The following AGMO variants were observed in gnomAD, a reference collection of about 807,000 sequenced individuals.
The protein encoded by AGMO is alkylglycerol monooxygenase, also known as glyceryl-ether monooxygenase.
AGMO carries 75 observed loss-of-function variants against 60.2 expected under a neutral mutation model. That is an observed-to-expected ratio of 1.25 (90% CI 1.03 to 1.51). The LOEUF (loss-of-function observed/expected upper bound fraction) is 1.51, where lower values mean the gene tolerates loss of function less well. Among genes scored for constraint, AGMO ranks in the 40% most tolerant of loss-of-function variants. The pLI is 0.00. For missense variants in AGMO, 763 were observed against 525.5 expected (o/e 1.45, Z -4.42); for synonymous variants, 261 against 177.1 (o/e 1.47, Z -3.76).
the AGMO span, among the ~76,000 whole-genome samples, chr7:15,172,300 A>G: frequency 6.6e-6 from 1 of 152,132 alleles, no homozygotes; most frequent in African/African-American, 2.4e-5. Context: ...AGTGAATCTC[A>G]ATAAGTACAT....
intron 3 of AGMO, among the ~76,000 whole-genome samples, chr7:15,487,579 G>A (rs1001490778): frequency 1.3e-5 from 2 of 151,970 alleles, no homozygotes; most frequent in Non-Finnish European, 2.9e-5. Context: ...TTTAAAATAC[G>A]TATGTTTAAA....
chr7:15,521,758 G>C (rs1483300387), intron 3 of AGMO, among the ~76,000 whole-genome samples: 1 of 152,118 alleles, frequency 6.6e-6, no homozygotes, highest in African/African-American at 2.4e-5. Context: ...ATGGGCAAAA[G>C]ATGGAAGCAT....
intron 12 of AGMO, among the ~76,000 whole-genome samples, chr7:15,285,430 A>G (rs1784074964): frequency 6.6e-6 from 1 of 152,072 alleles, no homozygotes; most frequent in Non-Finnish European, 1.5e-5. Context: ...TATACCAACA[A>G]TGATCAATCT....
chr7:15,520,216 C>T (rs986851514), intron 3 of AGMO, among the ~76,000 whole-genome samples: 3 of 152,024 alleles, frequency 2.0e-5, no homozygotes, highest in East Asian at 1.9e-4. Context: ...TAGAGACCTA[C>T]GAAGAGACTT....
intron 3 of AGMO, among the ~76,000 whole-genome samples, chr7:15,535,646 AT>A (rs527628862): frequency 3.4e-4 from 51 of 152,022 alleles, no homozygotes; most frequent in African/African-American, 6.7e-4. Context: ...CTTTAAAAAA[AT>A]ATCTTAATTT....
chr7:15,284,446 T>C (rs904146988), intron 12 of AGMO, among the ~76,000 whole-genome samples: 5 of 152,214 alleles, frequency 3.3e-5, no homozygotes, highest in Non-Finnish European at 7.4e-5. Context: ...TAAACACTTT[T>C]ATGCACACAA....
the AGMO span, among the ~76,000 whole-genome samples, chr7:15,169,010 C>T: frequency 2.6e-5 from 4 of 152,246 alleles, no homozygotes; most frequent in South Asian, 8.3e-4. Context: ...GGAGAGTTGT[C>T]CTAGGGGCTA....
At chr7:15,377,678 T>C (rs996836991) in intron 10 of AGMO, among the ~76,000 whole-genome samples, 2 of 152,050 alleles carry the variant, frequency 1.3e-5, no homozygotes, top group Non-Finnish European at 2.9e-5. Flanking sequence ...TATCAACAGT[T>C]GGATATTTAG....
intron 3 of AGMO, among the ~76,000 whole-genome samples, chr7:15,527,672 A>G (rs2128539062): frequency 6.6e-6 from 1 of 152,300 alleles, no homozygotes; most frequent in African/African-American, 2.4e-5. Context: ...TTGGAAGAAG[A>G]TGCAATCTAC....
At chr7:15,462,399 G>A (rs996534907) in intron 3 of AGMO, among the ~76,000 whole-genome samples, 3 of 152,012 alleles carry the variant, frequency 2.0e-5, no homozygotes, top group Non-Finnish European at 4.4e-5. Flanking sequence ...TATTTTGCTG[G>A]AAAATCAGTT....
intron 5 of AGMO, among the ~76,000 whole-genome samples, chr7:15,400,484 G>A (rs1442057393): frequency 6.6e-6 from 1 of 152,126 alleles, no homozygotes; most frequent in African/African-American, 2.4e-5. Flanking sequence ...GTGTCATTCC[G>A]TGCTCTAGAC....
chr7:15,411,067 T>C (rs1216284961), intron 5 of AGMO, among the ~76,000 whole-genome samples: 1 of 151,930 alleles, frequency 6.6e-6, no homozygotes. Flanking sequence ...TATTACTACC[T>C]AAATGGGGAG....
intron 12 of AGMO, among the ~76,000 whole-genome samples, chr7:15,204,606 T>A (rs1781392419): frequency 6.6e-6 from 1 of 152,156 alleles, no homozygotes; most frequent in Non-Finnish European, 1.5e-5. Flanking sequence ...GGAAGTTCAT[T>A]CTTAGTGTCA....
At chr7:15,128,021 A>G in the AGMO span, among the ~76,000 whole-genome samples, 1 of 152,056 alleles carries the variant, frequency 6.6e-6, no homozygotes, top group African/African-American at 2.4e-5. Context: ...CATTGCTTGT[A>G]GTTTGGATAT....
intron 10 of AGMO, among the ~76,000 whole-genome samples, chr7:15,374,670 G>T (rs73300363): frequency 6.9e-4 from 105 of 152,114 alleles, no homozygotes; most frequent in African/African-American, 2.2e-3. Context: ...CGATCTCAGG[G>T]AAATAGGATA....
intron 5 of AGMO, among the ~76,000 whole-genome samples, chr7:15,397,372 C>T (rs1250604176): frequency 6.6e-6 from 1 of 151,894 alleles, no homozygotes; most frequent in African/African-American, 2.4e-5. Context: ...CCCCGGCTCC[C>T]GCACCTCTCT....
the AGMO span, among the ~76,000 whole-genome samples, chr7:15,159,994 T>C: frequency 6.6e-6 from 1 of 152,184 alleles, no homozygotes; most frequent in Non-Finnish European, 1.5e-5. Flanking sequence ...CTGCTTCACT[T>C]TTATTTATCC....
intron 3 of AGMO, among the ~76,000 whole-genome samples, chr7:15,507,308 C>A (rs1383548245): frequency 6.6e-6 from 1 of 151,630 alleles, no homozygotes; most frequent in Non-Finnish European, 1.5e-5. Context: ...ACTAACATTG[C>A]AAAAAAAGGA....
chr7:15,320,929 T>G (rs191752450), intron 12 of AGMO, among the ~76,000 whole-genome samples: 1 of 152,168 alleles, frequency 6.6e-6, no homozygotes, highest in African/African-American at 2.4e-5. Flanking sequence ...CTTGCACAAG[T>G]TAAGGGTTTC....
Sources: gnomAD v4.1 joint callset for allele counts (sites outside exome capture counted in the v4.1 genomes callset) on GRCh38, gnomAD v4.1.1 for gene constraint, MANE v1.5 for transcripts, NCBI Gene and HGNC (gene_info 2026-07-23, HGNC 2026-07-21) for gene names.